Variants in SEPTIN12 observed in about 807,000 individuals in gnomAD.
The protein encoded by SEPTIN12 is septin 12, also known as septin-12.
In SEPTIN12, 42 loss-of-function variants were observed where a neutral mutation model predicts 37.7. That is an observed-to-expected ratio of 1.11 (90% confidence interval 0.87 to 1.44). The LOEUF (loss-of-function observed/expected upper bound fraction) is 1.44. Among genes scored for constraint, SEPTIN12 ranks in the 40% most tolerant of loss-of-function variants. SEPTIN12 has a pLI of 0.00. For synonymous variants in SEPTIN12, 254 were observed against 196.7 expected (o/e 1.29, Z -2.44); for missense variants, 613 against 479.2 (o/e 1.28, Z -2.61).
upstream of SEPTIN12, chr16:4,790,120 C>T (rs2082529309): frequency 6.6e-6 from 1 of 152,016 alleles, no homozygotes; most frequent in South Asian, 2.1e-4. Context: ...CCCTATGTTG[C>T]CCAAGATTGT....
upstream of SEPTIN12, among the ~76,000 whole-genome samples, chr16:4,791,271 C>G (rs575778154): frequency 4.9e-4 from 75 of 152,018 alleles, no homozygotes; most frequent in Non-Finnish European, 9.4e-4. Flanking sequence ...GGAAGGTGCT[C>G]CCGGTGGTGT....
intron 4 of SEPTIN12, 71 bp downstream of exon 4, chr16:4,785,736 C>T (rs1201202982): frequency 4.0e-5 from 44 of 1,101,706 alleles, no homozygotes; most frequent in Non-Finnish European, 5.8e-5. Flanking sequence ...CGAGATCATG[C>T]CATTGCACTC....
chr16:4,778,174 T>C, intron 8 of SEPTIN12, 37 bp from the exon 9 acceptor site: 1 of 1,610,228 alleles, frequency 6.2e-7, no homozygotes, highest in Non-Finnish European at 8.5e-7. Flanking sequence ...CGCTGCTTAG[T>C]GAGCACTGAG....
At chr16:4,781,481 C>T (rs568722504) in intron 7 of SEPTIN12, among the ~76,000 whole-genome samples, 5 of 152,102 alleles carry the variant, frequency 3.3e-5, no homozygotes, top group Non-Finnish European at 2.9e-5. Context: ...TACCACCAAT[C>T]TACTTTCTGT....
At position 4,783,634 on chromosome 16, in the gene SEPTIN12, G is replaced by A. The variant is rs768322780; in HGVS notation, c.630+15C>T. 27 of 1,612,718 alleles carry A rather than the reference G, an allele frequency of 1.7e-5. No individual in the cohort carries two copies. Among genetic ancestry groups the A allele is most frequent in the East Asian group, 8.9e-5 (4 of 44,882 alleles). On this transcript the variant is annotated intron_variant, in intron 6 of 9. Transcript: ENST00000268231. ...GCCCCCGCTGACCCCAGCCCTGCCCGGGCATCCAGATCACCCTGCGCCTGA... is the reference window on the plus strand; with the variant it reads ...GCCCCCGCTGACCCCAGCCCTGCCCAGGCATCCAGATCACCCTGCGCCTGA...
Position 4,781,206 on chromosome 16 carries a change from C to T in SEPTIN12, c.727-1420G>A, listed in dbSNP as rs1021995811. ...CCCAGGAGGCAGGGGTTGCAGTGAG[C>T]GGAGATCACGCCACTATACTCCAGC... On this transcript the variant is annotated intron_variant, in intron 7 of 9. Coordinates refer to ENST00000268231, the MANE Select transcript of SEPTIN12 (RefSeq NM_144605.5). Among the ~76,000 whole-genome samples, 24 of 149,824 alleles carry T rather than the reference C, an allele frequency of 1.6e-4. 1 individual carries two copies. The highest frequency in any genetic ancestry group is 5.4e-4 in the African/African-American group (22 of 40,722).
At chr16:4,786,670 AT>A (rs2082455741) in intron 2 of SEPTIN12, among the ~76,000 whole-genome samples, 1 of 150,270 alleles carries the variant, frequency 6.7e-6, no homozygotes, top group Admixed American at 6.6e-5. Context: ...CTGTTTTTTA[AT>A]TTTTAAGACA....
At chr16:4,789,137 G>T (rs532781001), upstream of SEPTIN12, among the ~76,000 whole-genome samples, 1 of 152,226 alleles carries the variant, frequency 6.6e-6, no homozygotes, top group Admixed American at 6.5e-5. Flanking sequence ...TCTTGCCTCA[G>T]CCTCCCAAGT....
Position 4,785,795 on chromosome 16 carries a change from G to GA in SEPTIN12, c.374+11dup. 6.3e-6 allele frequency: 9 copies of GA among 1,436,588 alleles called. No homozygotes were observed. The highest frequency in any genetic ancestry group is 2.4e-5 in the South Asian group (2 of 85,062). The allele number at this position is 1,436,588 out of a possible 1,614,324, so 89.0% of individuals were successfully genotyped here. On this transcript the variant is annotated intron_variant, in intron 4 of 9. Coordinates refer to ENST00000268231, the MANE Select transcript of SEPTIN12 (RefSeq NM_144605.5). ...CTCTGCCTAAAAAAAAAAAAAAAGA[G>GA]AGAGAACCTACCAGTTGTCATTGTT... is the stretch of plus-strand genomic sequence containing the variant.
intron 2 of SEPTIN12, among the ~76,000 whole-genome samples, chr16:4,786,620 G>A (rs763122807): frequency 2.9e-4 from 44 of 152,054 alleles, no homozygotes; most frequent in Non-Finnish European, 5.1e-4. Flanking sequence ...CTCCCAAAGT[G>A]CTGGGATTAC....
At chr16:4,788,358 G>A (rs1439822230), upstream of SEPTIN12, 1 of 152,918 alleles carries the variant, frequency 6.5e-6, no homozygotes, top group Non-Finnish European at 1.5e-5. Context: ...TGGGGGAGGG[G>A]AGAGGGTGAC....
intron 7 of SEPTIN12, among the ~76,000 whole-genome samples, chr16:4,780,668 G>C (rs559142526): frequency 6.6e-6 from 1 of 152,274 alleles, no homozygotes; most frequent in East Asian, 1.9e-4. Context: ...GAATTCATCT[G>C]TGATGGGGAG....
chr16:4,789,833 A>G (rs1469400595), upstream of SEPTIN12: 1 of 151,794 alleles, frequency 6.6e-6, no homozygotes, highest in Admixed American at 6.6e-5. Context: ...TGACTTCACA[A>G]GGCTTAGGCA....
chr16:4,787,153 G>A (rs1875822480), intron 2 of SEPTIN12, among the ~76,000 whole-genome samples: 1 of 152,102 alleles, frequency 6.6e-6, no homozygotes, highest in Non-Finnish European at 1.5e-5. Context: ...TGGAATTACA[G>A]GCTTGAGCCA....
chr16:4,786,012 G>A lies in SEPTIN12; in HGVS notation c.260C>T (p.Pro87Leu). ...SNPPGLGVPT[P>L]QTLQLHSLTH... ...CAGTGAATGCAGCTGCAGCGTCTGG[G>A]GTGTGGGCACCCCCAAGCCCGGTGG... The change falls in exon 3 of 10, where the codon CCC (proline) becomes CTC (leucine). Residue 87 changes from proline (P) to leucine (L), a missense_variant. Physicochemically the swap from Pro to Leu is moderately conservative, Grantham distance 98 (BLOSUM62 -3). Transcript: ENST00000268231. 6.2e-7 allele frequency: 1 copy of A among 1,613,766 alleles called. No individual in the cohort carries two copies. The highest frequency in any genetic ancestry group is 8.5e-7 in the Non-Finnish European group (1 of 1,179,900).
upstream of SEPTIN12, chr16:4,790,143 G>A (rs924237654): frequency 6.6e-6 from 1 of 151,996 alleles, no homozygotes; most frequent in Admixed American, 6.6e-5. Flanking sequence ...TGAACTCCTG[G>A]GGTCAAGGGG....
chr16:4,786,207 T>C, intron 2 of SEPTIN12, 102 bp from the exon 3 acceptor site: 1 of 1,411,700 alleles, frequency 7.1e-7, no homozygotes. Context: ...AGGTTCTCAC[T>C]CTGTCACCCA....
At position 4,787,614 on chromosome 16, in the gene SEPTIN12, C is replaced by T. The variant is rs1249199804; in HGVS notation, c.32G>A (p.Cys11Tyr). The T allele has an allele frequency of 6.2e-7, 1 of 1,601,646 alleles. No individual in the cohort carries two copies. Among genetic ancestry groups the T allele is most frequent in the Non-Finnish European group, 8.5e-7 (1 of 1,178,592 alleles). The change falls in exon 2 of 10, where the codon TGC becomes TAC. Residue 11 changes from cysteine to tyrosine, a missense_variant. Physicochemically the swap from Cys to Tyr is radical, Grantham distance 194. Coordinates refer to ENST00000268231, the MANE Select transcript of SEPTIN12 (RefSeq NM_144605.5). Reference sequence around the variant, plus strand: ...GGGGCTGGAGGGCTGCGAGGACAGGCAGGGAGAGGGGGAGCGCCTCAGGGG... The same window carrying T: ...GGGGCTGGAGGGCTGCGAGGACAGGTAGGGAGAGGGGGAGCGCCTCAGGGG... MDPLRRSPSPCLSSQPSSPST... is the reference protein window; with the variant it reads MDPLRRSPSPYLSSQPSSPST...
chr16:4,783,985 A>C lies in SEPTIN12; in HGVS notation c.458T>G (p.Ile153Ser). 1 of 1,614,092 alleles carries C rather than the reference A, an allele frequency of 6.2e-7. No homozygotes were observed. Among genetic ancestry groups the C allele is most frequent in the South Asian group, 1.1e-5 (1 of 91,086 alleles). ...GCAGCAGTGCACCCGGGTGTCTGGG[A>C]TGTGGCGCTGGCGGGTGATGAGGAT... is the stretch of plus-strand genomic sequence containing the variant. ...EEILITRQRHIPDTRVHCCVY... is the reference protein window; with the variant it reads ...EEILITRQRHSPDTRVHCCVY... The change falls in exon 5 of 10, where the codon ATC (isoleucine) becomes AGC (serine). Residue 153 changes from isoleucine (I) to serine (S), a missense_variant. Coordinates refer to ENST00000268231, the MANE Select transcript of SEPTIN12 (RefSeq NM_144605.5).
Sources: allele counts gnomAD v4.1 joint callset (sites outside exome capture counted in the v4.1 genomes callset), GRCh38; gene constraint gnomAD v4.1.1; transcripts MANE v1.5; gene names NCBI Gene and HGNC (gene_info 2026-07-23, HGNC 2026-07-21).